SLC44A5: variants seen among roughly 807,000 people sequenced by gnomAD.
The protein encoded by SLC44A5 is choline transporter-like protein 5.
SLC44A5 carries 57 observed loss-of-function variants against 101.8 expected under a neutral mutation model. The ratio of observed to expected loss-of-function variants is 0.56; its 90% CI spans 0.45 to 0.70. The LOEUF is 0.70. Ranked by LOEUF, SLC44A5 falls within the 30% of genes least tolerant of loss-of-function variation. The pLI, the probability that SLC44A5 is intolerant of heterozygous loss-of-function variation, is 0.00. For synonymous variants in SLC44A5, 281 were observed against 290.9 expected (o/e 0.97, Z 0.35); for missense variants, 737 against 853.1 (o/e 0.86, Z 1.70).
chr1:75,497,647 C>T (rs1668745725), intron 2 of SLC44A5, among the ~76,000 whole-genome samples: 1 of 152,092 alleles, frequency 6.6e-6, no homozygotes, highest in African/African-American at 2.4e-5. Context: ...TTACCATACA[C>T]ACACAAAATG....
the SLC44A5 span, among the ~76,000 whole-genome samples, chr1:75,667,992 C>T: frequency 3.3e-5 from 5 of 152,164 alleles, no homozygotes; most frequent in Admixed American, 6.5e-5. Context: ...TGAATTTTCA[C>T]CTGGAAGCAT....
intron 4 of SLC44A5, among the ~76,000 whole-genome samples, chr1:75,317,467 CTTA>C: frequency 6.6e-6 from 1 of 152,252 alleles, no homozygotes; most frequent in African/African-American, 2.4e-5. Context: ...GGTTCAGTCG[CTTA>C]TTCTCAATGT....
intron 1 of SLC44A5, among the ~76,000 whole-genome samples, chr1:75,554,532 C>G (rs745456833): frequency 7.4e-5 from 11 of 149,040 alleles, no homozygotes; most frequent in Non-Finnish European, 1.5e-4. Context: ...GTAGTCCAGA[C>G]AGAAGGAACA....
intron 3 of SLC44A5, among the ~76,000 whole-genome samples, chr1:75,366,919 G>T (rs1472417268): frequency 6.9e-6 from 1 of 145,424 alleles, no homozygotes; most frequent in Non-Finnish European, 1.5e-5. Flanking sequence ...TTGTGTTAAT[G>T]CTCTGTTTTT....
chr1:75,503,600 T>A (rs1669087782), intron 2 of SLC44A5, among the ~76,000 whole-genome samples: 1 of 152,196 alleles, frequency 6.6e-6, no homozygotes, highest in African/African-American at 2.4e-5. Flanking sequence ...CTCAGGTAGT[T>A]CTTTATAGCA....
chr1:75,577,389 T>C (rs1673432024), intron 1 of SLC44A5, among the ~76,000 whole-genome samples: 1 of 152,240 alleles, frequency 6.6e-6, no homozygotes, highest in African/African-American at 2.4e-5. Flanking sequence ...GCTCTCCTCC[T>C]GGCCATGAGC....
chr1:75,311,173 TTG>T (rs1181091467), intron 4 of SLC44A5, among the ~76,000 whole-genome samples: 5 of 151,996 alleles, frequency 3.3e-5, no homozygotes, highest in African/African-American at 9.6e-5. Flanking sequence ...TTGGAGTGCA[TTG>T]GCACGATCTC....
intron 2 of SLC44A5, among the ~76,000 whole-genome samples, chr1:75,441,866 G>A (rs1340902590): frequency 2.0e-5 from 3 of 152,112 alleles, no homozygotes; most frequent in East Asian, 3.9e-4. Context: ...ATTATTGCCA[G>A]GTCAAGGACA....
At chr1:75,590,108 G>A (rs144401647) in intron 1 of SLC44A5, among the ~76,000 whole-genome samples, 31 of 152,036 alleles carry the variant, frequency 2.0e-4, no homozygotes, top group African/African-American at 7.2e-4. Flanking sequence ...AGGGAGTGCT[G>A]GCATCACCCT....
chr1:75,627,098 G>A, the SLC44A5 span, among the ~76,000 whole-genome samples: 1 of 151,992 alleles, frequency 6.6e-6, no homozygotes, highest in East Asian at 1.9e-4. Context: ...AGTCATAAAT[G>A]GTACTCATTT....
intron 2 of SLC44A5, among the ~76,000 whole-genome samples, chr1:75,491,441 A>G (rs1256008059): frequency 2.0e-5 from 3 of 152,168 alleles, no homozygotes; most frequent in African/African-American, 7.2e-5. Flanking sequence ...TGAGTTGAAG[A>G]TTTCCTGTTA....
At chr1:75,519,034 C>T (rs1379304779) in intron 2 of SLC44A5, among the ~76,000 whole-genome samples, 2 of 152,108 alleles carry the variant, frequency 1.3e-5, no homozygotes, top group African/African-American at 4.8e-5. Context: ...GTTTAGAATA[C>T]TTTAAAGTTA....
chr1:75,246,069 C>T (rs901044672), intron 7 of SLC44A5, among the ~76,000 whole-genome samples: 1 of 152,068 alleles, frequency 6.6e-6, no homozygotes, highest in Admixed American at 6.6e-5. Context: ...AATGACTCAG[C>T]TAATAAGAGC....
chr1:75,220,991 C>G (rs558056693), intron 14 of SLC44A5, among the ~76,000 whole-genome samples: 38 of 152,224 alleles, frequency 2.5e-4, no homozygotes, highest in Admixed American at 1.4e-3. Flanking sequence ...TTAACACAAA[C>G]ACATATGCTC....
rs529418829 is a variant in SLC44A5, at chr1:75,477,290, C to A, written c.13+64145G>T. Among the ~76,000 whole-genome samples, 5 of 152,208 alleles carry A rather than the reference C, an allele frequency of 3.3e-5. No individual in the cohort carries two copies. In the South Asian group the frequency reaches 1.0e-3, roughly 32 times the overall value. ...ATCAAAGACTAAAAGTAGATAAAACCACAAAGACGGGGGAAAAAACAGAGC... is the reference window on the plus strand; with the variant it reads ...ATCAAAGACTAAAAGTAGATAAAACAACAAAGACGGGGGAAAAAACAGAGC... On this transcript the variant is annotated intron_variant, in intron 2 of 23. Transcript: ENST00000370859.
At chr1:75,561,407 G>A (rs1244603435) in intron 1 of SLC44A5, among the ~76,000 whole-genome samples, 2 of 151,974 alleles carry the variant, frequency 1.3e-5, no homozygotes, top group Non-Finnish European at 2.9e-5. Flanking sequence ...ACATGCATTT[G>A]TCATTTTACT....
At chr1:75,680,798 C>G in the SLC44A5 span, among the ~76,000 whole-genome samples, 2 of 149,042 alleles carry the variant, frequency 1.3e-5, no homozygotes, top group Non-Finnish European at 3.0e-5. Flanking sequence ...ACAAAAAACC[C>G]TTCAAAAAAT....
In SLC44A5 at chr1:75,374,977, T is replaced by A. The variant is rs140739062; in HGVS notation, c.52+21606A>T. On this transcript the variant is annotated intron_variant, in intron 3 of 23. Transcript: ENST00000370859. ...GAGTGTTTCCTTACCTCTAAAGGAT[T>A]GCACTATCTCTCCAGCAATGGATCC... Among the ~76,000 whole-genome samples, 171 of 152,304 alleles carry A rather than the reference T, an allele frequency of 1.1e-3. 3 individuals are homozygous for A. The East Asian group carries it at 0.031, about 27-fold the overall frequency.
intron 2 of SLC44A5, among the ~76,000 whole-genome samples, chr1:75,432,079 T>C (rs1257059156): frequency 6.6e-6 from 1 of 152,182 alleles, no homozygotes; most frequent in Admixed American, 6.5e-5. Context: ...CCCTTCATTT[T>C]TGTAGCAATT....
Sources: allele counts gnomAD v4.1 joint callset (sites outside exome capture counted in the v4.1 genomes callset), GRCh38; gene constraint gnomAD v4.1.1; transcripts MANE v1.5; gene names NCBI Gene and HGNC (gene_info 2026-07-23, HGNC 2026-07-21).